TRPA1: variants seen among roughly 807,000 people sequenced by gnomAD.
TRPA1 encodes the protein ankyrin-like with transmembrane domains 1.
TRPA1 carries 129 observed loss-of-function variants against 131.3 expected under a neutral mutation model. That is an observed-to-expected ratio of 0.98 (90% CI 0.85 to 1.14). The LOEUF (loss-of-function observed/expected upper bound fraction) is 1.14. TRPA1 is among the 50% of genes most tolerant of loss of function. The pLI is 0.00. For missense variants in TRPA1, 1,304 were observed against 1,354.2 expected, an observed-to-expected ratio of 0.96 and a Z score of 0.58; for synonymous variants, 441 against 451.7, an observed-to-expected ratio of 0.98 and a Z score of 0.30.
At chr8:72,087,165 G>T in the TRPA1 span, among the ~76,000 whole-genome samples, 2 of 152,106 alleles carry the variant, frequency 1.3e-5, no homozygotes, top group African/African-American at 4.8e-5. Flanking sequence ...AAAACTCCAT[G>T]GTGTATTACT....
intron 17 of TRPA1, among the ~76,000 whole-genome samples, chr8:72,041,521 C>A (rs559377651): frequency 6.6e-6 from 1 of 151,820 alleles, no homozygotes; most frequent in Non-Finnish European, 1.5e-5. Context: ...ATCTTCCTCA[C>A]TACAGTGGAA....
chr8:72,033,712 G>A lies in TRPA1; in HGVS notation c.2800C>T (p.Pro934Ser), dbSNP rs1377334892. 5 of 1,614,082 alleles carry A rather than the reference G, an allele frequency of 3.1e-6. No homozygotes were observed. The highest frequency in any genetic ancestry group is 3.4e-6 in the Non-Finnish European group (4 of 1,179,980). ...ACAAGTTGTGCAAAGGACAGAACTG[G>A]ATGTGCCAATTCATTTCTCAGATAT... ...EPYLRNELAH[P>S]VLSFAQLVSF... Residue 934 changes from proline to serine, a missense_variant, in exon 23 of 27, where the codon CCA (proline) becomes TCA (serine). Transcript: ENST00000262209.
chr8:72,072,727 C>T (rs1822571), intron 1 of TRPA1, among the ~76,000 whole-genome samples: 55,900 of 151,984 alleles, frequency 0.37, 10,768 homozygotes, highest in East Asian at 0.55. Flanking sequence ...TTGATATGCT[C>T]TTTGCGTAAT....
At chr8:72,052,811 T>A in intron 13 of TRPA1, 46 bp from the exon 14 acceptor site, 2 of 1,606,962 alleles carry the variant, frequency 1.2e-6, no homozygotes, top group South Asian at 1.1e-5. Flanking sequence ...CAGTGTCTAA[T>A]CTGTCTTATT....
In TRPA1 at chr8:72,033,704, CAG is replaced by C; in HGVS notation, c.2806_2807del (p.Leu936ValfsTer30). The part of the protein sequence containing the change: ...YLRNELAHPV[L>X]SFAQLVSFTI... ...TGAAGGAAACAAGTTGTGCAAAGGA[CAG>C]AACTGGATGTGCCAATTCATTTCTC... On this transcript the variant is annotated frameshift_variant, in exon 23 of 27. Transcript: ENST00000262209. LOFTEE classifies it high-confidence loss of function. 2 of 1,614,044 alleles carry C rather than the reference CAG, an allele frequency of 1.2e-6. No homozygotes were observed. Among genetic ancestry groups the C allele is most frequent in the Non-Finnish European group, 1.7e-6 (2 of 1,179,988 alleles).
chr8:72,071,662 T>C (rs200227161), intron 2 of TRPA1, 49 bp downstream of exon 2: 1 of 1,586,202 alleles, frequency 6.3e-7, no homozygotes, highest in East Asian at 2.2e-5. Context: ...TTCTAGTTAA[T>C]TGAATGGGAT....
chr8:72,038,110 A>C, intron 19 of TRPA1, 38 bp from the exon 20 acceptor site: 1 of 1,046,316 alleles, frequency 9.6e-7, no homozygotes, highest in Non-Finnish European at 1.5e-6. Flanking sequence ...GTTATGAGAG[A>C]TATAAAACAC....
chr8:72,048,466 T>C (rs917231138), intron 15 of TRPA1, among the ~76,000 whole-genome samples: 1 of 152,040 alleles, frequency 6.6e-6, no homozygotes. Context: ...GGTGACTAGA[T>C]AGCAGTACTG....
chr8:72,065,409 G>C (rs748278710), intron 4 of TRPA1, 42 bp downstream of exon 4: 2 of 1,438,050 alleles, frequency 1.4e-6, no homozygotes, highest in Non-Finnish European at 2.0e-6. Flanking sequence ...TTGTATTCAT[G>C]AAAAGATAAA....
chr8:72,069,344 T>C lies in TRPA1; in HGVS notation c.269-146A>G, dbSNP rs1806004021. ...TGGAAACTAAAAACACAGCTTCAGT[T>C]CTAACGAAACATTTAATGGGAACCT... is the stretch of plus-strand genomic sequence containing the variant. On this transcript the variant is annotated intron_variant, in intron 2 of 26. Coordinates refer to ENST00000262209, the MANE Select transcript of TRPA1 (RefSeq NM_007332.3). 5 of 795,952 alleles carry C rather than the reference T, an allele frequency of 6.3e-6. No homozygotes were observed. In the South Asian group the frequency reaches 7.7e-5, roughly 12 times the overall value. The allele number at this position is 795,952 out of a possible 1,614,324, so 49.3% of individuals were successfully genotyped here.
upstream of TRPA1, among the ~76,000 whole-genome samples, chr8:72,077,396 A>C (rs2129437271): frequency 6.6e-6 from 1 of 152,142 alleles, no homozygotes; most frequent in Admixed American, 6.5e-5. Context: ...CTCCTTTGTA[A>C]TATCCCCTGG....
chr8:72,062,599 A>T (rs1178097548), intron 6 of TRPA1, among the ~76,000 whole-genome samples, 200 bp downstream of exon 6: 3 of 152,112 alleles, frequency 2.0e-5, no homozygotes, highest in Admixed American at 6.5e-5. Context: ...TGTGTCTGCA[A>T]TTGTTTTGGG....
At chr8:72,029,684 G>T in intron 24 of TRPA1, 1 of 644,966 alleles carries the variant, frequency 1.6e-6, no homozygotes, top group Non-Finnish European at 2.9e-6. Flanking sequence ...GCAGTATGTG[G>T]TATTCTCCTG....
At chr8:72,031,603 A>AC (rs1160191486) in intron 23 of TRPA1, among the ~76,000 whole-genome samples, 2 of 151,818 alleles carry the variant, frequency 1.3e-5, no homozygotes, top group Admixed American at 6.6e-5. Context: ...ACAAAAAAAA[A>AC]ACAAAAAAAC....
chr8:72,077,558 A>G (rs1013249480), upstream of TRPA1, among the ~76,000 whole-genome samples: 3 of 152,216 alleles, frequency 2.0e-5, no homozygotes, highest in Non-Finnish European at 4.4e-5. Flanking sequence ...AAGCAAATAG[A>G]TTAAAAGATA....
At chr8:72,040,082 G>T (rs1001101092) in intron 17 of TRPA1, among the ~76,000 whole-genome samples, 4 of 152,020 alleles carry the variant, frequency 2.6e-5, no homozygotes, top group African/African-American at 9.7e-5. Flanking sequence ...CAACAGGAAA[G>T]GACATTAAAG....
At chr8:72,054,149 C>T (rs974588872) in intron 12 of TRPA1, 21 of 428,594 alleles carry the variant, frequency 4.9e-5, no homozygotes, top group East Asian at 3.0e-4. Context: ...AGGAGAAGTA[C>T]GCTTAGCATG....
rs1348546949 is a variant in TRPA1 at position 72,023,114 on chromosome 8, A to G, written c.3152T>C (p.Leu1051Pro). 5.0e-6 allele frequency: 8 copies of G among 1,612,648 alleles called. 1 individual carries two copies. In the Admixed American group the frequency reaches 1.2e-4, roughly 24 times the overall value. ...TTCCAGGAGAAAAGTAAGATCCTTCAGCCTAAAAGGACATACACATTTCAT... is the reference window on the plus strand; with the variant it reads ...TTCCAGGAGAAAAGTAAGATCCTTCGGCCTAAAAGGACATACACATTTCAT... Reference protein sequence around the residue: ...EMEILKQKYRLKDLTFLLEKQ... With the variant: ...EMEILKQKYRPKDLTFLLEKQ... The change falls in exon 27 of 27, where the codon CTG becomes CCG. Residue 1051 changes from leucine (L) to proline (P), a missense_variant and splice_region_variant. By Grantham distance (98) the Leu-to-Pro change is moderately conservative (BLOSUM62 -3). Transcript: ENST00000262209.
chr8:72,070,038 T>C (rs1164867062), intron 2 of TRPA1, among the ~76,000 whole-genome samples: 1 of 152,234 alleles, frequency 6.6e-6, no homozygotes, highest in Admixed American at 6.5e-5. Flanking sequence ...TATGGTACTA[T>C]GTACCCCGTG....
Sources: gnomAD v4.1 joint callset for allele counts (sites outside exome capture counted in the v4.1 genomes callset) on GRCh38, gnomAD v4.1.1 for gene constraint, MANE v1.5 for transcripts, NCBI Gene and HGNC (gene_info 2026-07-23, HGNC 2026-07-21) for gene names.